The following APOOL variants were observed in gnomAD, a reference collection of about 807,000 sequenced individuals.
The protein encoded by APOOL is MICOS complex subunit MIC27.
APOOL carries 12 observed loss-of-function variants against 23.1 expected under a neutral mutation model. That is an observed-to-expected ratio of 0.52 (90% CI 0.33 to 0.84). APOOL has a LOEUF of 0.84. Ranked by LOEUF, APOOL falls within the 40% of genes least tolerant of loss-of-function variation. APOOL has a pLI of 0.02. For synonymous variants in APOOL, 77 were observed against 69.9 expected (o/e 1.10, Z -0.51); for missense variants, 212 against 199.6 (o/e 1.06, Z -0.37).
chrX:85,070,201 A>G (rs1923616977), intron 6 of APOOL, among the ~76,000 whole-genome samples: 1 of 111,483 alleles, frequency 9.0e-6, no homozygotes, highest in South Asian at 3.7e-4. Context: ...ATGTCAGGTG[A>G]GAGCTTTTTA....
Position 85,090,314 on chromosome X carries a change from A to C in APOOL, c.*2636A>C, listed in dbSNP as rs1374008847. ...ACACTTAGCTCAAGGAAGATAGGGA[A>C]TAGGGAAATCATGTTTCTTTTCCCC... On this transcript the variant is annotated 3_prime_UTR_variant, in exon 9 of 9. Transcript: ENST00000373173. 8.9e-6 allele frequency: 1 copy of C among 112,017 alleles called. No individual in the cohort carries two copies. The highest frequency in any genetic ancestry group is 3.2e-5 in the African/African-American group (1 of 30,808). The allele number at this position is 112,017 out of a possible 1,213,427, so 9.2% of individuals were successfully genotyped here.
intron 8 of APOOL, among the ~76,000 whole-genome samples, chrX:85,077,090 T>TAC (rs1345359877): frequency 4.0e-5 from 4 of 100,591 alleles, no homozygotes; most frequent in African/African-American, 1.5e-4. Flanking sequence ...TATATATATA[T>TAC]ATACACACAC....
intron 8 of APOOL, among the ~76,000 whole-genome samples, chrX:85,084,134 C>CTTTTT (rs35647720): frequency 3.6e-5 from 3 of 83,838 alleles, no homozygotes; most frequent in African/African-American, 9.4e-5. Context: ...TGAGATGAAG[C>CTTTTT]TTTTTTTTTT....
At chrX:85,046,623 A>G (rs1392291864) in intron 2 of APOOL, 73 bp downstream of exon 2, 2 of 840,226 alleles carry the variant, frequency 2.4e-6, no homozygotes, top group East Asian at 3.5e-5. Flanking sequence ...TTTTAAAATT[A>G]TCTTTGCCCA....
At chrX:85,036,794 G>A (rs957222631) in intron 1 of APOOL, among the ~76,000 whole-genome samples, 15 of 110,570 alleles carry the variant, frequency 1.4e-4, no homozygotes, top group African/African-American at 4.3e-4. Flanking sequence ...TGGTGTACAC[G>A]TCACCTGAGC....
intron 1 of APOOL, among the ~76,000 whole-genome samples, chrX:85,016,667 G>T (rs755021229): frequency 4.5e-5 from 5 of 111,071 alleles, no homozygotes; most frequent in African/African-American, 1.6e-4. Context: ...AGTGCCGGGG[G>T]GTACAAGGTC....
rs778824907 is a variant in APOOL at position 85,060,532 on chromosome X, G to A, written c.394+4607G>A. On this transcript the variant is annotated intron_variant, in intron 5 of 8. Coordinates refer to ENST00000373173, the MANE Select transcript of APOOL (RefSeq NM_198450.6). ...ATGAGCATGGAATGTTCTTCCATTT[G>A]TTTGTATCCTCTTTTATTTCATTGA... 5.7e-3 allele frequency among the ~76,000 whole-genome samples: 629 copies of A among 109,878 alleles called. 4 individuals are homozygous for A. The highest frequency in any genetic ancestry group is 0.02 in the African/African-American group (592 of 30,072).
chrX:85,033,568 T>G (rs1281326625), intron 1 of APOOL, among the ~76,000 whole-genome samples: 1 of 111,958 alleles, frequency 8.9e-6, no homozygotes, highest in African/African-American at 3.2e-5. Flanking sequence ...TTTTCATTGT[T>G]GAAGCCAGTT....
chrX:85,083,332 A>G lies in APOOL; in HGVS notation c.719-4258A>G, dbSNP rs562844030. ...AACTGAAAAGGACTTTACAATAACT[A>G]TAATTAATATATTAAATAGAAAAAA... On this transcript the variant is annotated intron_variant, in intron 8 of 8. Transcript: ENST00000373173. Among the ~76,000 whole-genome samples, 5 of 111,710 alleles carry G rather than the reference A, an allele frequency of 4.5e-5. No individual in the cohort carries two copies. The South Asian group carries it at 1.8e-3, about 41-fold the overall frequency.
chrX:85,006,657 T>C (rs776116880), intron 1 of APOOL, among the ~76,000 whole-genome samples: 3 of 111,358 alleles, frequency 2.7e-5, no homozygotes, highest in East Asian at 5.7e-4. Context: ...GGAAAGATAA[T>C]AGTATTTACA....
intron 1 of APOOL, among the ~76,000 whole-genome samples, chrX:85,025,302 C>T (rs908784460): frequency 1.8e-5 from 2 of 111,913 alleles, no homozygotes; most frequent in African/African-American, 3.2e-5. Flanking sequence ...CCCACTAGGT[C>T]TCGCATTCAG....
intron 1 of APOOL, among the ~76,000 whole-genome samples, chrX:85,026,209 A>G (rs773457263): frequency 3.5e-5 from 4 of 113,339 alleles, no homozygotes; most frequent in Non-Finnish European, 7.5e-5. Context: ...CCTGAACTCA[A>G]CCAGGGCCCC....
chrX:85,062,073 T>C (rs1263951877), intron 5 of APOOL, among the ~76,000 whole-genome samples: 1 of 111,961 alleles, frequency 8.9e-6, no homozygotes, highest in Non-Finnish European at 1.9e-5. Flanking sequence ...GATTCTGGTA[T>C]GTTGTGTCTT....
chrX:85,065,897 A>G (rs1006713158), intron 5 of APOOL, among the ~76,000 whole-genome samples: 26 of 110,872 alleles, frequency 2.3e-4, no homozygotes, highest in Non-Finnish European at 3.0e-4. Flanking sequence ...ATATACTTAA[A>G]CCCTCTTTCT....
At chrX:85,047,434 C>T (rs1922612956) in intron 2 of APOOL, among the ~76,000 whole-genome samples, 1 of 111,524 alleles carries the variant, frequency 9.0e-6, no homozygotes, top group African/African-American at 3.2e-5. Flanking sequence ...TAGAGTCAGT[C>T]TCTGACTTTT....
At chrX:85,074,142 A>AT (rs999587917) in intron 7 of APOOL, 31 bp downstream of exon 7, 2 of 1,150,087 alleles carry the variant, frequency 1.7e-6, no homozygotes, top group African/African-American at 3.6e-5. Context: ...GACGGTCAAC[A>AT]TTGAGTTTTG....
At chrX:85,071,165 C>T (rs1473668515) in intron 6 of APOOL, among the ~76,000 whole-genome samples, 4 of 110,832 alleles carry the variant, frequency 3.6e-5, no homozygotes, top group African/African-American at 1.3e-4. Context: ...CGATGAAAGA[C>T]TAAATGTTGA....
intron 8 of APOOL, among the ~76,000 whole-genome samples, chrX:85,076,997 A>T (rs1300476919): frequency 1.2e-5 from 1 of 80,455 alleles, no homozygotes; most frequent in Admixed American, 1.3e-4. Context: ...TGCTAAACTT[A>T]TATATATATA....
intron 6 of APOOL, among the ~76,000 whole-genome samples, chrX:85,067,449 G>A (rs189791869): frequency 8.1e-5 from 9 of 111,338 alleles, no homozygotes; most frequent in Non-Finnish European, 1.3e-4. Flanking sequence ...TGAGGATTAC[G>A]TTCAGAGACA....
Sources: allele counts gnomAD v4.1 joint callset (sites outside exome capture counted in the v4.1 genomes callset), GRCh38; gene constraint gnomAD v4.1.1; transcripts MANE v1.5; gene names NCBI Gene and HGNC (gene_info 2026-07-23, HGNC 2026-07-21).